The following NRP2 variants were observed in gnomAD, a reference collection of about 807,000 sequenced individuals.
NRP2 encodes neuropilin 2.
In NRP2, 52 loss-of-function variants were observed where a neutral mutation model predicts 110.4. That is an observed-to-expected ratio of 0.47 (90% CI 0.38 to 0.59). NRP2 has a LOEUF of 0.59. Among genes scored for constraint, NRP2 ranks in the 20% least tolerant of loss-of-function variants. NRP2 has a pLI of 0.00. For synonymous variants in NRP2, 508 were observed against 468.9 expected, an observed-to-expected ratio of 1.08 and a Z score of -1.08; for missense variants, 1,049 against 1,203.0, an observed-to-expected ratio of 0.87 and a Z score of 1.89.
chr2:205,733,730 T>C (rs1012768960), intron 7 of NRP2, among the ~76,000 whole-genome samples: 1 of 152,062 alleles, frequency 6.6e-6, no homozygotes, highest in African/African-American at 2.4e-5. Context: ...CCTAGGACAT[T>C]GACTGTTCCC....
intron 15 of NRP2, chr2:205,776,868 A>G: frequency 8.1e-7 from 1 of 1,230,024 alleles, no homozygotes; most frequent in Non-Finnish European, 1.0e-6. Context: ...CCCTTGCCTT[A>G]TCCCATACCT....
intron 12 of NRP2, among the ~76,000 whole-genome samples, chr2:205,760,169 G>A (rs1447256237): frequency 2.0e-5 from 3 of 152,284 alleles, no homozygotes; most frequent in Non-Finnish European, 2.9e-5. Flanking sequence ...CCGTGTGATC[G>A]CGCACAGGCA....
chr2:205,794,410 T>A (rs1354894782), intron 16 of NRP2, among the ~76,000 whole-genome samples: 1 of 152,178 alleles, frequency 6.6e-6, no homozygotes, highest in Non-Finnish European at 1.5e-5. Context: ...GCGCCCGGCC[T>A]CAAATTATTT....
chr2:205,722,429 C>A, intron 3 of NRP2, 49 bp from the exon 4 acceptor site: 1 of 1,461,224 alleles, frequency 6.8e-7, no homozygotes, highest in Non-Finnish European at 9.6e-7. Flanking sequence ...ACAGAGGCCA[C>A]AAAGAAAGGC....
At chr2:205,736,517 C>A (rs530580680) in intron 7 of NRP2, among the ~76,000 whole-genome samples, 1 of 152,166 alleles carries the variant, frequency 6.6e-6, no homozygotes, top group Non-Finnish European at 1.5e-5. Flanking sequence ...GAAGGTGGGA[C>A]TTGGGAGTAG....
intron 15 of NRP2, chr2:205,779,113 A>C (rs1395778723): frequency 1.3e-5 from 2 of 152,262 alleles, no homozygotes; most frequent in African/African-American, 4.8e-5. Flanking sequence ...GCTTCTCAGA[A>C]GACAAAGAGA....
At chr2:205,690,579 T>TACAC (rs10591632) in intron 1 of NRP2, among the ~76,000 whole-genome samples, 3,214 of 124,206 alleles carry the variant, frequency 0.026, 72 homozygotes, top group Non-Finnish European at 0.033. Context: ...CTGCTAAAAA[T>TACAC]ACACACACAC....
intron 15 of NRP2, among the ~76,000 whole-genome samples, chr2:205,775,356 G>T (rs1308712370): frequency 6.6e-6 from 1 of 152,110 alleles, no homozygotes; most frequent in Non-Finnish European, 1.5e-5. Context: ...ATAGCAACCG[G>T]CAGCGGCCAG....
At chr2:205,752,733 C>A in intron 11 of NRP2, 102 bp from the exon 12 acceptor site, 1 of 1,245,044 alleles carries the variant, frequency 8.0e-7, no homozygotes, top group Non-Finnish European at 1.2e-6. Flanking sequence ...TCTTTCTCTG[C>A]TCTCCACTCA....
intron 2 of NRP2, among the ~76,000 whole-genome samples, chr2:205,715,629 T>C (rs1195520182): frequency 6.6e-6 from 1 of 151,928 alleles, no homozygotes; most frequent in Non-Finnish European, 1.5e-5. Context: ...CAGGGGAAAA[T>C]TGAAACAGGG....
At chr2:205,722,306 T>C (rs2057036738) in intron 3 of NRP2, 172 bp from the exon 4 acceptor site, 1 of 660,202 alleles carries the variant, frequency 1.5e-6, no homozygotes. Flanking sequence ...CCCTAATTTA[T>C]GAGGGCTTGA....
chr2:205,776,355 G>T, intron 15 of NRP2: 1 of 1,612,944 alleles, frequency 6.2e-7, no homozygotes. Context: ...TGCTGGTGCT[G>T]GTCTCCGTCG....
At chr2:205,755,650 G>A (rs1264554769) in intron 12 of NRP2, among the ~76,000 whole-genome samples, 2 of 152,056 alleles carry the variant, frequency 1.3e-5, no homozygotes, top group Non-Finnish European at 2.9e-5. Context: ...GGGGATTGGG[G>A]AGAAGGGAAG....
chr2:205,751,321 T>C (rs1170864877), intron 11 of NRP2, among the ~76,000 whole-genome samples: 1 of 152,206 alleles, frequency 6.6e-6, no homozygotes, highest in Non-Finnish European at 1.5e-5. Flanking sequence ...TCTTTGATGG[T>C]TCCTCCCTTT....
chr2:205,709,277 G>A lies in NRP2; in HGVS notation c.252-6916G>A, dbSNP rs377179252. Among the ~76,000 whole-genome samples the A allele has an allele frequency of 1.4e-4, 21 of 152,292 alleles. No homozygotes were observed. In the East Asian group the frequency reaches 3.1e-3, roughly 22 times the overall value. The stretch of plus-strand genomic sequence containing the variant: ...GAGACTGCCTCTAACTGTGCTTTTC[G>A]TTTCATCTTCTCCTGTCTGGCTCCC... On this transcript the variant is annotated intron_variant, in intron 2 of 16. Transcript: ENST00000357785.
chr2:205,776,627 C>G, intron 15 of NRP2: 1 of 1,591,716 alleles, frequency 6.3e-7, no homozygotes, highest in South Asian at 1.1e-5. Flanking sequence ...TGTGTGAACT[C>G]TCAGACATCT....
chr2:205,718,158 G>T (rs941617393), intron 3 of NRP2, among the ~76,000 whole-genome samples: 1 of 152,162 alleles, frequency 6.6e-6, no homozygotes, highest in Non-Finnish European at 1.5e-5. Flanking sequence ...GCCAAGGGAA[G>T]TCAGAACAAG....
At chr2:205,687,213 A>G (rs1348410157) in intron 1 of NRP2, among the ~76,000 whole-genome samples, 9 of 152,086 alleles carry the variant, frequency 5.9e-5, no homozygotes, top group African/African-American at 2.2e-4. Flanking sequence ...GCTGTGGGAG[A>G]CAGGTCTGGG....
chr2:205,685,605 A>G (rs575455536), intron 1 of NRP2, among the ~76,000 whole-genome samples: 29 of 152,318 alleles, frequency 1.9e-4, no homozygotes, highest in Non-Finnish European at 3.4e-4. Flanking sequence ...GGGAGGCCGC[A>G]TGGGCGACGC....
Sources: allele counts gnomAD v4.1 joint callset (sites outside exome capture counted in the v4.1 genomes callset), GRCh38; gene constraint gnomAD v4.1.1; transcripts MANE v1.5; gene names NCBI Gene and HGNC (gene_info 2026-07-23, HGNC 2026-07-21).